Variants in CNIH3 observed in about 807,000 individuals in gnomAD.
CNIH3 encodes cornichon family AMPA receptor auxiliary protein 3.
A neutral mutation model predicts 24.1 loss-of-function variants in CNIH3; 14 were observed. The observed-to-expected ratio is 0.58, with a 90% CI of 0.38 to 0.91. CNIH3 has a LOEUF of 0.91. Ranked by LOEUF, CNIH3 falls within the 40% of genes least tolerant of loss-of-function variation. The pLI is 0.00. For missense variants in CNIH3, 178 were observed against 196.8 expected, an observed-to-expected ratio of 0.90 and a Z score of 0.57; for synonymous variants, 68 against 73.8, an observed-to-expected ratio of 0.92 and a Z score of 0.40.
rs185338298 is a variant in CNIH3 at position 224,691,029 on chromosome 1, G to T, written c.198+6186G>T. Among the ~76,000 whole-genome samples, 3 of 152,364 alleles carry T rather than the reference G, an allele frequency of 2.0e-5. No homozygotes were observed. The East Asian group carries it at 5.8e-4, about 29-fold the overall frequency. On this transcript the variant is annotated intron_variant, in intron 3 of 5. Transcript: ENST00000272133. ...CAAATTCCATGATGTGGTTCTGAAA[G>T]CAGGGGTTGGAAGAGATGGGAAGTG...
chr1:224,547,859 C>A (rs540838810), intron 3 of CNIH3, among the ~76,000 whole-genome samples: 1 of 151,494 alleles, frequency 6.6e-6, no homozygotes, highest in African/African-American at 2.4e-5. Context: ...TTCCTAATAT[C>A]AAAGTGGGAG....
chr1:224,445,141 G>C (rs2102952820), intron 1 of CNIH3, among the ~76,000 whole-genome samples: 1 of 152,102 alleles, frequency 6.6e-6, no homozygotes, highest in Non-Finnish European at 1.5e-5. Flanking sequence ...GATGACTAAT[G>C]GTGTGTGTAT....
intron 3 of CNIH3, among the ~76,000 whole-genome samples, chr1:224,715,186 T>C (rs968963955): frequency 1.1e-4 from 16 of 152,200 alleles, no homozygotes; most frequent in Non-Finnish European, 2.9e-5. Context: ...CTGCGTGATA[T>C]TCATCTTCCT....
At chr1:224,709,490 G>T (rs1688012702) in intron 3 of CNIH3, among the ~76,000 whole-genome samples, 1 of 152,192 alleles carries the variant, frequency 6.6e-6, no homozygotes, top group African/African-American at 2.4e-5. Flanking sequence ...GGCATGGCAG[G>T]ACTCCAGCAC....
chr1:224,683,961 A>G (rs1259895044), intron 2 of CNIH3, among the ~76,000 whole-genome samples: 1 of 152,182 alleles, frequency 6.6e-6, no homozygotes, highest in Non-Finnish European at 1.5e-5. Context: ...CACTATATTT[A>G]TGATTTAATT....
intron 1 of CNIH3, among the ~76,000 whole-genome samples, chr1:224,460,792 T>G (rs1572285758): frequency 6.6e-6 from 1 of 150,868 alleles, no homozygotes; most frequent in Non-Finnish European, 1.5e-5. Context: ...TTTTTAGATA[T>G]GTGGTCTCAT....
intron 1 of CNIH3, among the ~76,000 whole-genome samples, chr1:224,638,098 C>T (rs554818417): frequency 3.9e-5 from 6 of 152,352 alleles, no homozygotes; most frequent in African/African-American, 7.2e-5. Flanking sequence ...GCTCATGCAG[C>T]GAGATGGAAG....
chr1:224,653,905 C>T (rs947041817), intron 1 of CNIH3, among the ~76,000 whole-genome samples: 5 of 152,084 alleles, frequency 3.3e-5, no homozygotes, highest in African/African-American at 1.2e-4. Context: ...ATGGTGAAAC[C>T]CTGTCTCTAT....
chr1:224,621,699 C>T (rs988565301), intron 1 of CNIH3, among the ~76,000 whole-genome samples: 2 of 152,192 alleles, frequency 1.3e-5, no homozygotes, highest in Admixed American at 6.5e-5. Context: ...TTCTCCAGAG[C>T]CCAGAACAGT....
chr1:224,593,505 C>T (rs1042413247), downstream of CNIH3, among the ~76,000 whole-genome samples: 4 of 152,174 alleles, frequency 2.6e-5, no homozygotes, highest in African/African-American at 9.7e-5. Context: ...AGCTTCCCAA[C>T]TAGCTTGTCA....
chr1:224,552,874 T>A (rs1351970106), intron 3 of CNIH3, among the ~76,000 whole-genome samples: 1 of 151,310 alleles, frequency 6.6e-6, no homozygotes, highest in African/African-American at 2.4e-5. Context: ...TAATATATCA[T>A]CTCCCTTAGA....
exon 1 of CNIH3, chr1:224,434,778 T>C: frequency 1.0e-6 from 1 of 986,258 alleles, no homozygotes; most frequent in Non-Finnish European, 1.2e-6. Context: ...TGTTGATTCT[T>C]CCCCCAGCTG....
intron 2 of CNIH3, among the ~76,000 whole-genome samples, chr1:224,530,961 T>A (rs542509298): frequency 1.4e-3 from 215 of 152,234 alleles, no homozygotes; most frequent in African/African-American, 4.6e-3. Context: ...GACTCTCCTT[T>A]TTTCCCCCCT....
intron 1 of CNIH3, among the ~76,000 whole-genome samples, chr1:224,679,915 T>C (rs530555283): frequency 4.6e-5 from 7 of 152,238 alleles, no homozygotes; most frequent in African/African-American, 1.4e-4. Context: ...TTCCTTTTTT[T>C]CTCCTGCCTC....
intron 5 of CNIH3, among the ~76,000 whole-genome samples, chr1:224,739,049 C>T (rs1243770780): frequency 1.3e-5 from 2 of 152,180 alleles, no homozygotes; most frequent in Non-Finnish European, 2.9e-5. Context: ...CAACCATAAT[C>T]ATCATCCTGA....
chr1:224,470,168 G>A (rs1051171056), intron 1 of CNIH3, among the ~76,000 whole-genome samples: 2 of 151,722 alleles, frequency 1.3e-5, no homozygotes, highest in African/African-American at 4.8e-5. Flanking sequence ...ACAGGCACCC[G>A]CCACCATGCC....
At chr1:224,485,353 C>T (rs1676986213) in intron 1 of CNIH3, among the ~76,000 whole-genome samples, 1 of 152,180 alleles carries the variant, frequency 6.6e-6, no homozygotes, top group Non-Finnish European at 1.5e-5. Context: ...AAGAGAAGCT[C>T]CTTTGTAGGT....
rs1353801732 is a variant in CNIH3 at position 224,604,661 on chromosome 1, C to T, written n.402+38397C>T. Among the ~76,000 whole-genome samples the T allele has an allele frequency of 1.3e-5, 2 of 152,174 alleles. No homozygotes were observed. Among genetic ancestry groups the T allele is most frequent in the African/African-American group, 4.8e-5 (2 of 41,432 alleles). On this transcript the variant is annotated intron_variant and non_coding_transcript_variant, in intron 3 of 7. Transcript: ENST00000478120. The surrounding 1 kb of genome is among the most constrained non-coding windows in gnomAD (Gnocchi z 4.4). Reference sequence around the variant, plus strand: ...GGCCAGAGGTGAAAGGAACAAGGACCAGTCCAGCTGGTGAAACTGATGTAG... The same window carrying T: ...GGCCAGAGGTGAAAGGAACAAGGACTAGTCCAGCTGGTGAAACTGATGTAG...
chr1:224,538,830 A>ATTT (rs71574506), downstream of CNIH3, among the ~76,000 whole-genome samples: 31 of 124,226 alleles, frequency 2.5e-4, 1 homozygote, highest in African/African-American at 6.1e-4. Flanking sequence ...AGCTAATTAC[A>ATTT]TTTTTTTTTT....
Sources: gnomAD v4.1 joint callset for allele counts (sites outside exome capture counted in the v4.1 genomes callset) on GRCh38, gnomAD v4.1.1 for gene constraint, Gnocchi (gnomAD v3.1) non-coding constraint, MANE v1.5 for transcripts, NCBI Gene and HGNC (gene_info 2026-07-23, HGNC 2026-07-21) for gene names.